Variants in CELF6 observed in about 807,000 individuals in gnomAD.
CELF6 encodes the protein CUGBP Elav-like family member 6.
In CELF6, 32 loss-of-function variants were observed where a neutral mutation model predicts 53.1. The observed-to-expected ratio is 0.60, with a 90% CI of 0.46 to 0.81. CELF6 has a LOEUF of 0.81. CELF6 is among the 30% of genes least tolerant of loss of function. CELF6 has a pLI of 0.00. For missense variants in CELF6, 539 were observed against 669.5 expected (o/e 0.81, Z 2.15); for synonymous variants, 291 against 288.8 (o/e 1.01, Z -0.08).
rs113298131 is a variant in CELF6 at position 72,288,113 on chromosome 15, C to T, written c.1318+195G>A. 6.1e-3 allele frequency among the ~76,000 whole-genome samples: 936 copies of T among 152,360 alleles called. 4 individuals are homozygous for T. Among genetic ancestry groups the T allele is most frequent in the Non-Finnish European group, 0.011 (758 of 68,036 alleles). ...CTGGCCTCCCAAAGTGCTAGGATTA[C>T]AGGCGTGAGCCACCATGCCCGGCCA... On this transcript the variant is annotated intron_variant, in intron 11 of 12. Coordinates refer to ENST00000287202, the MANE Select transcript of CELF6 (RefSeq NM_052840.5). This position sits in a 1 kb window ranked among gnomAD's most constrained non-coding sequence, Gnocchi z 4.6.
In CELF6 at chr15:72,289,612, G is replaced by A. The variant is rs1273757619; in HGVS notation, c.747+15C>T. The stretch of plus-strand genomic sequence containing the variant: ...CCCACCTGCGCGCCCTCGCACGCAG[G>A]TGCCCGGTACCTACCGCCGTGGTGT... On this transcript the variant is annotated intron_variant, in intron 6 of 12. Coordinates refer to ENST00000287202, the MANE Select transcript of CELF6 (RefSeq NM_052840.5). This position sits in a 1 kb window ranked among gnomAD's most constrained non-coding sequence, Gnocchi z 7.6. 4.7e-6 allele frequency: 7 copies of A among 1,492,882 alleles called. No homozygotes were observed. The highest frequency in any genetic ancestry group is 2.3e-5 in the Admixed American group (1 of 42,920). The allele number at this position is 1,492,882 out of a possible 1,614,324, so 92.5% of individuals were successfully genotyped here. A position where few individuals can be genotyped will look rare whatever the true frequency, so the allele number is the denominator to read the frequency against.
intron 3 of CELF6, among the ~76,000 whole-genome samples, chr15:72,295,364 A>C (rs1173297025): frequency 6.6e-6 from 1 of 151,774 alleles, no homozygotes; most frequent in Non-Finnish European, 1.5e-5. Flanking sequence ...AAGATAAAAT[A>C]AAATACTTGG....
chr15:72,316,262 C>A (rs927158850), intron 1 of CELF6, among the ~76,000 whole-genome samples: 6 of 152,202 alleles, frequency 3.9e-5, no homozygotes, highest in Non-Finnish European at 5.9e-5. Context: ...GCAGCTTTAT[C>A]ATCATCTTTA....
intron 2 of CELF6, among the ~76,000 whole-genome samples, chr15:72,313,194 G>T (rs2088320397): frequency 6.6e-6 from 1 of 152,208 alleles, no homozygotes; most frequent in South Asian, 2.1e-4. Context: ...GGCCAGATTA[G>T]CTGGGCCCAA....
At position 72,319,551 on chromosome 15, in the gene CELF6, C is replaced by T; in HGVS notation, c.262+62G>A. 7.1e-7 allele frequency: 1 copy of T among 1,418,184 alleles called. No homozygotes were observed. The highest frequency in any genetic ancestry group is 9.3e-7 in the Non-Finnish European group (1 of 1,078,548). 87.9% of individuals were successfully genotyped at this position (1,418,184 alleles called of 1,614,324 possible). On this transcript the variant is annotated intron_variant, in intron 1 of 12. Coordinates refer to ENST00000287202, the MANE Select transcript of CELF6 (RefSeq NM_052840.5). The surrounding 1 kb of genome is among the most constrained non-coding windows in gnomAD (Gnocchi z 5.0). ...CGGCAGGGCTAGGGCTGGGGCTGGGCTGGGGTCGGGCCACACTCTAATCGG... is the reference window on the plus strand; with the variant it reads ...CGGCAGGGCTAGGGCTGGGGCTGGGTTGGGGTCGGGCCACACTCTAATCGG...
intron 1 of CELF6, among the ~76,000 whole-genome samples, chr15:72,318,140 G>C (rs1197241549): frequency 1.3e-5 from 2 of 152,178 alleles, no homozygotes; most frequent in African/African-American, 4.8e-5. Context: ...GGGATGGACA[G>C]ACAGGCAGGT....
At chr15:72,302,485 T>G (rs2912219) in intron 3 of CELF6, among the ~76,000 whole-genome samples, 147,947 of 152,310 alleles carry the variant, frequency 0.97, 72,008 homozygotes, top group East Asian at 1. Flanking sequence ...TACAGAATTT[T>G]TTAATGATGT....
At chr15:72,317,675 C>G (rs1166341827) in intron 1 of CELF6, among the ~76,000 whole-genome samples, 1 of 151,876 alleles carries the variant, frequency 6.6e-6, no homozygotes, top group Admixed American at 6.5e-5. Flanking sequence ...CTACAATCAT[C>G]TTGGAAGGCA....
intron 3 of CELF6, among the ~76,000 whole-genome samples, chr15:72,304,238 A>G (rs545151849): frequency 6.6e-6 from 1 of 152,206 alleles, no homozygotes; most frequent in East Asian, 1.9e-4. Flanking sequence ...AGAGCTTTCC[A>G]TGGTCCTCAG....
At chr15:72,311,566 C>CT in intron 2 of CELF6, among the ~76,000 whole-genome samples, 1 of 150,186 alleles carries the variant, frequency 6.7e-6, no homozygotes, top group Admixed American at 6.6e-5. Context: ...TCACGCCCTG[C>CT]TAATTTTTTG....
intron 2 of CELF6, among the ~76,000 whole-genome samples, chr15:72,305,124 C>A (rs776310101): frequency 1.3e-5 from 2 of 152,114 alleles, no homozygotes; most frequent in African/African-American, 2.4e-5. Context: ...TACTTAAAGG[C>A]TTTGCATGAG....
At chr15:72,309,539 G>C (rs2088270415) in intron 2 of CELF6, among the ~76,000 whole-genome samples, 1 of 152,184 alleles carries the variant, frequency 6.6e-6, no homozygotes, top group African/African-American at 2.4e-5. Context: ...CCCCAGGGGA[G>C]GAACCCAAGA....
chr15:72,301,462 T>C (rs2088154394), intron 3 of CELF6, among the ~76,000 whole-genome samples: 1 of 152,164 alleles, frequency 6.6e-6, no homozygotes, highest in Non-Finnish European at 1.5e-5. Context: ...TTGATATCCC[T>C]TAGATTGTTT....
intron 2 of CELF6, among the ~76,000 whole-genome samples, chr15:72,308,299 C>T (rs888498545): frequency 5.3e-4 from 81 of 152,188 alleles, no homozygotes; most frequent in African/African-American, 2.0e-3. Flanking sequence ...CGTAATCTCG[C>T]CTCACCGAAA....
intron 2 of CELF6, among the ~76,000 whole-genome samples, chr15:72,314,271 C>A (rs1162633103): frequency 6.6e-6 from 1 of 152,088 alleles, no homozygotes; most frequent in Non-Finnish European, 1.5e-5. Flanking sequence ...GAAATCAGTG[C>A]CTATTTCTTA....
Position 72,288,655 on chromosome 15 carries a change from G to A in CELF6, c.1094-37C>T. ...GGTGGGAGTGGACAGTGATCCCCAG[G>A]AGCCCTTCCCCAAGCAGGGCCCCAA... On this transcript the variant is annotated intron_variant, in intron 9 of 12. Transcript: ENST00000287202. The surrounding 1 kb of genome is among the most constrained non-coding windows in gnomAD (Gnocchi z 4.6). The A allele has an allele frequency of 6.5e-7, 1 of 1,543,268 alleles. No individual in the cohort carries two copies. Among genetic ancestry groups the A allele is most frequent in the South Asian group, 1.3e-5 (1 of 79,866 alleles).
chr15:72,287,835 G>C (rs551597927), intron 11 of CELF6, among the ~76,000 whole-genome samples: 2 of 144,626 alleles, frequency 1.4e-5, no homozygotes, highest in African/African-American at 5.7e-5. Context: ...AATAAAGCTC[G>C]TTCTTTTTTT....
chr15:72,308,226 T>A (rs947135560), intron 2 of CELF6, among the ~76,000 whole-genome samples: 2 of 151,426 alleles, frequency 1.3e-5, no homozygotes, highest in Non-Finnish European at 2.9e-5. Flanking sequence ...TTATTGTTTT[T>A]TTTTGTTTGT....
chr15:72,288,263 T>C lies in CELF6; in HGVS notation c.1318+45A>G. 1.2e-6 allele frequency: 2 copies of C among 1,603,514 alleles called. No individual in the cohort carries two copies. Among genetic ancestry groups the C allele is most frequent in the Non-Finnish European group, 1.7e-6 (2 of 1,170,348 alleles). On this transcript the variant is annotated intron_variant, in intron 11 of 12. Transcript: ENST00000287202. The surrounding 1 kb of genome is among the most constrained non-coding windows in gnomAD (Gnocchi z 4.6). ...ATCGTAGGGTCTGTAGGAAATCCTTTATAGTCAGAGGTGGGAGAGGCCTAG... is the reference window on the plus strand; with the variant it reads ...ATCGTAGGGTCTGTAGGAAATCCTTCATAGTCAGAGGTGGGAGAGGCCTAG...
Sources: gnomAD v4.1 joint callset for allele counts (sites outside exome capture counted in the v4.1 genomes callset) on GRCh38, gnomAD v4.1.1 for gene constraint, Gnocchi (gnomAD v3.1) non-coding constraint, MANE v1.5 for transcripts, NCBI Gene and HGNC (gene_info 2026-07-23, HGNC 2026-07-21) for gene names.